Variants in CENPK observed in about 807,000 individuals in gnomAD.
The protein encoded by CENPK is SoxLZ/Sox6-binding protein Solt.
In CENPK, 46 loss-of-function variants were observed where a neutral mutation model predicts 40.9. That is an observed-to-expected ratio of 1.13 (90% CI 0.89 to 1.44). The LOEUF (loss-of-function observed/expected upper bound fraction) is 1.44, where lower values mean the gene tolerates loss of function less well. Among genes scored for constraint, CENPK ranks in the 40% most tolerant of loss-of-function variants. The probability of loss-of-function intolerance (pLI) is 0.00; values close to 1 mark genes in which losing one functional copy is unlikely to be tolerated. For synonymous variants in CENPK, 107 were observed against 104.4 expected (o/e 1.02, Z -0.15); for missense variants, 288 against 303.5 (o/e 0.95, Z 0.38).
intron 6 of CENPK, among the ~76,000 whole-genome samples, chr5:65,533,689 T>C (rs931298979): frequency 1.3e-5 from 2 of 152,154 alleles, no homozygotes; most frequent in Non-Finnish European, 2.9e-5. Context: ...TCAAGTTCAC[T>C]GGATACAAAA....
downstream of CENPK, among the ~76,000 whole-genome samples, chr5:65,513,364 T>A: frequency 6.6e-6 from 1 of 152,196 alleles, no homozygotes. Context: ...TTATTGAGAT[T>A]TCAATGAATC....
intron 6 of CENPK, among the ~76,000 whole-genome samples, chr5:65,533,189 A>G (rs1746208844): frequency 6.6e-6 from 1 of 151,700 alleles, no homozygotes; most frequent in African/African-American, 2.4e-5. Flanking sequence ...CGTCTCTACT[A>G]AAAATACATA....
intron 6 of CENPK, among the ~76,000 whole-genome samples, chr5:65,535,384 G>A (rs745722444): frequency 2.0e-5 from 3 of 152,124 alleles, no homozygotes; most frequent in Non-Finnish European, 2.9e-5. Flanking sequence ...CTGAGCCCTT[G>A]GAATACTCTA....
At chr5:65,554,494 G>A (rs891206724) in intron 3 of CENPK, among the ~76,000 whole-genome samples, 1 of 152,102 alleles carries the variant, frequency 6.6e-6, no homozygotes, top group Non-Finnish European at 1.5e-5. Context: ...TAGCACTCCT[G>A]CTAAGTATAG....
At chr5:65,539,589 C>T (rs2150433056) in intron 6 of CENPK, among the ~76,000 whole-genome samples, 1 of 152,280 alleles carries the variant, frequency 6.6e-6, no homozygotes, top group South Asian at 2.1e-4. Flanking sequence ...TGGCTCTGCC[C>T]CTGCAGCTTT....
the CENPK span, among the ~76,000 whole-genome samples, chr5:65,499,830 C>T: frequency 1.1e-5 from 1 of 94,846 alleles, no homozygotes; most frequent in Non-Finnish European, 2.1e-5. Flanking sequence ...CCCCCGACCC[C>T]ACCACAGTCC....
chr5:65,550,440 T>C (rs1749767144), intron 5 of CENPK: 1 of 152,178 alleles, frequency 6.6e-6, no homozygotes, highest in African/African-American at 2.4e-5. Context: ...GGGAGAGAGA[T>C]GGGGGAACAA....
At chr5:65,513,920 C>T (rs1742674462), downstream of CENPK, among the ~76,000 whole-genome samples, 1 of 152,106 alleles carries the variant, frequency 6.6e-6, no homozygotes, top group Non-Finnish European at 1.5e-5. Flanking sequence ...TTTTTAATCA[C>T]AAATAGATGT....
At chr5:65,507,606 T>G in the CENPK span, among the ~76,000 whole-genome samples, 31 of 152,290 alleles carry the variant, frequency 2.0e-4, no homozygotes, top group African/African-American at 7.2e-4. Context: ...TTAAATTGCT[T>G]CAGTCTGCCC....
rs1355722994 is a variant in CENPK at position 65,530,751 on chromosome 5, A to G, written c.289-1552T>C. On this transcript the variant is annotated intron_variant, in intron 6 of 10. Coordinates refer to ENST00000396679, the MANE Select transcript of CENPK (RefSeq NM_022145.5). ...TGGTGAAACCCTGTCTCTATAAATA[A>G]ATACAAAAATTAGCCAGGCATGGTG... Among the ~76,000 whole-genome samples, 7 of 151,776 alleles carry G rather than the reference A, an allele frequency of 4.6e-5. No individual in the cohort carries two copies. The South Asian group carries it at 1.3e-3, about 27-fold the overall frequency.
At chr5:65,562,993 C>CT (rs1041627433) in intron 1 of CENPK, 105 bp downstream of exon 1, 2 of 198,468 alleles carry the variant, frequency 1.0e-5, no homozygotes, top group Non-Finnish European at 2.1e-5. Flanking sequence ...CAAAGCCCGG[C>CT]TGGGAAGTCA....
chr5:65,534,817 C>T (rs985403060), intron 6 of CENPK, among the ~76,000 whole-genome samples: 2 of 152,156 alleles, frequency 1.3e-5, no homozygotes. Context: ...CTTTGTGATT[C>T]TGAGTTGGGC....
chr5:65,505,262 T>C, the CENPK span, among the ~76,000 whole-genome samples: 2 of 152,198 alleles, frequency 1.3e-5, no homozygotes, highest in Admixed American at 6.5e-5. Flanking sequence ...TGATGAGATA[T>C]ATAATTACTG....
chr5:65,504,072 T>C, the CENPK span, among the ~76,000 whole-genome samples: 1 of 152,032 alleles, frequency 6.6e-6, no homozygotes, highest in African/African-American at 2.4e-5. Context: ...TAAGTATGAA[T>C]ATCATGTTCC....
chr5:65,555,059 T>C, intron 2 of CENPK, 113 bp from the exon 3 acceptor site: 1 of 594,022 alleles, frequency 1.7e-6, no homozygotes. Context: ...CAAAAATCCC[T>C]CCTACCGTGA....
rs1751969689 is a variant in CENPK, at chr5:65,561,584, G to C, written c.-141-20C>G. 2 of 422,294 alleles carry C rather than the reference G, an allele frequency of 4.7e-6. No homozygotes were observed. Among genetic ancestry groups the C allele is most frequent in the Non-Finnish European group, 9.3e-6 (2 of 213,970 alleles). The allele number at this position is 422,294 out of a possible 1,614,324, so 26.2% of individuals were successfully genotyped here. ...CTAGACCTGTGAGAAATAAATTTCA[G>C]TTGTTTAATTAAAACACACACACAC... On this transcript the variant is annotated intron_variant, in intron 1 of 10. Transcript: ENST00000396679.
At chr5:65,555,866 C>T (rs547307878) in intron 2 of CENPK, among the ~76,000 whole-genome samples, 1 of 152,264 alleles carries the variant, frequency 6.6e-6, no homozygotes, top group East Asian at 1.9e-4. Context: ...TTTGAGGTGT[C>T]AATTATTGGA....
intron 6 of CENPK, among the ~76,000 whole-genome samples, chr5:65,538,661 G>T (rs1456618501): frequency 6.6e-6 from 1 of 152,140 alleles, no homozygotes. Context: ...CAGACAGAGC[G>T]ATGGAGGGAA....
chr5:65,510,087 T>G, the CENPK span, among the ~76,000 whole-genome samples: 6 of 152,296 alleles, frequency 3.9e-5, no homozygotes, highest in African/African-American at 1.4e-4. Context: ...CTCTAAGTGT[T>G]CAGATGAAAG....
Sources: allele counts gnomAD v4.1 joint callset (sites outside exome capture counted in the v4.1 genomes callset), GRCh38; gene constraint gnomAD v4.1.1; transcripts MANE v1.5; gene names NCBI Gene and HGNC (gene_info 2026-07-23, HGNC 2026-07-21).